Variants in ACACA observed in about 807,000 individuals in gnomAD.
ACACA encodes acetyl-CoA carboxylase 1.
Under a neutral mutation model 296.1 loss-of-function variants are expected in ACACA, and 103 were observed. That is an observed-to-expected ratio of 0.35 (90% CI 0.30 to 0.41). The LOEUF is 0.41. Among genes scored for constraint, ACACA ranks in the 10% least tolerant of loss-of-function variants. The probability of loss-of-function intolerance (pLI) is 1.00; values close to 1 mark genes in which losing one functional copy is unlikely to be tolerated. For synonymous variants in ACACA, 953 were observed against 1,038.6 expected (o/e 0.92, Z 1.58); for missense variants, 1,554 against 2,989.7 (o/e 0.52, Z 11.20).
chr17:37,283,527 G>T (rs2082639952), intron 4 of ACACA, 122 bp from the exon 5 acceptor site: 1 of 1,257,062 alleles, frequency 8.0e-7, no homozygotes, highest in African/African-American at 1.5e-5. Context: ...TTTCAACCAA[G>T]AATTCTTGTT....
intron 3 of ACACA, among the ~76,000 whole-genome samples, chr17:37,319,639 G>A (rs1386245813): frequency 5.3e-5 from 8 of 152,006 alleles, no homozygotes; most frequent in Non-Finnish European, 1.0e-4. Context: ...CCTGGGCAAC[G>A]TGGTGAGACC....
At chr17:37,346,722 AAG>A (rs1555654474) in intron 1 of ACACA, among the ~76,000 whole-genome samples, 1 of 151,378 alleles carries the variant, frequency 6.6e-6, no homozygotes, top group Non-Finnish European at 1.5e-5. Context: ...AAAAAAAAAA[AAG>A]ATTTGATTGC....
chr17:37,239,832 G>C (rs1024197787), intron 24 of ACACA, among the ~76,000 whole-genome samples: 1 of 152,186 alleles, frequency 6.6e-6, no homozygotes, highest in Non-Finnish European at 1.5e-5. Flanking sequence ...TAAAGGAAGT[G>C]AAAAGGAGCA....
chr17:37,326,514 A>G (rs896824742), intron 3 of ACACA, among the ~76,000 whole-genome samples: 5 of 147,336 alleles, frequency 3.4e-5, no homozygotes, highest in Middle Eastern at 4.2e-3. Flanking sequence ...CTGGGTAACA[A>G]GAGCGAAACT....
chr17:37,090,604 G>A (rs1042542753), intron 54 of ACACA, among the ~76,000 whole-genome samples: 1 of 152,154 alleles, frequency 6.6e-6, no homozygotes, highest in Non-Finnish European at 1.5e-5. Flanking sequence ...AGGCCAAACT[G>A]CCTTGAGAAA....
At chr17:37,374,585 C>A (rs1040569178) in intron 1 of ACACA, among the ~76,000 whole-genome samples, 7 of 152,152 alleles carry the variant, frequency 4.6e-5, no homozygotes, top group African/African-American at 1.2e-4. Context: ...CCGCGCCCGG[C>A]CCTTCATTCT....
At chr17:37,248,227 A>G in intron 17 of ACACA, 71 bp from the exon 18 acceptor site, 1 of 1,565,648 alleles carries the variant, frequency 6.4e-7, no homozygotes. Flanking sequence ...TGAATGCTTC[A>G]AAAATACAGA....
At chr17:37,317,501 GGCAGTGA>G (rs1332916648) in intron 3 of ACACA, among the ~76,000 whole-genome samples, 2 of 151,240 alleles carry the variant, frequency 1.3e-5, no homozygotes, top group African/African-American at 4.9e-5. Flanking sequence ...GGGAGGCGGA[GGCAGTGA>G]GCCAAGATCA....
intron 1 of ACACA, among the ~76,000 whole-genome samples, chr17:37,373,750 C>T (rs1468041245): frequency 1.3e-5 from 2 of 152,128 alleles, no homozygotes; most frequent in African/African-American, 2.4e-5. Flanking sequence ...AGCATTGTAC[C>T]GTGGCATCTA....
chr17:37,352,246 G>C (rs1025662481), intron 1 of ACACA, among the ~76,000 whole-genome samples: 1 of 152,040 alleles, frequency 6.6e-6, no homozygotes, highest in African/African-American at 2.4e-5. Flanking sequence ...GAATTGCAAC[G>C]AATATTTGAG....
chr17:37,391,740 C>A (rs921591119), intron 1 of ACACA: 1 of 1,604,460 alleles, frequency 6.2e-7, no homozygotes, highest in South Asian at 1.1e-5. Context: ...TCTGCTCTAT[C>A]TCAAAGACTG....
At chr17:37,105,203 C>T (rs993839625) in intron 52 of ACACA, among the ~76,000 whole-genome samples, 1 of 152,188 alleles carries the variant, frequency 6.6e-6, no homozygotes, top group African/African-American at 2.4e-5. Context: ...TTGTAGAAAT[C>T]TTTTTCCTTT....
In ACACA at chr17:37,120,336, G is replaced by T. The variant is rs577313199; in HGVS notation, c.6274+1019C>A. On this transcript the variant is annotated intron_variant, in intron 50 of 55. Transcript: ENST00000616317. Reference sequence around the variant, plus strand: ...GCTAAAGTGCAGTGGCACAATCTTGGCTCACTGCAATCTCTGCCTCCCAGG... The same window carrying T: ...GCTAAAGTGCAGTGGCACAATCTTGTCTCACTGCAATCTCTGCCTCCCAGG... 5.3e-5 allele frequency among the ~76,000 whole-genome samples: 8 copies of T among 151,870 alleles called. No individual in the cohort carries two copies. The South Asian group carries it at 1.7e-3, about 32-fold the overall frequency.
At chr17:37,274,760 G>T in intron 8 of ACACA, 1 of 710,988 alleles carries the variant, frequency 1.4e-6, no homozygotes, top group Non-Finnish European at 1.7e-6. Context: ...GAACGTCCCT[G>T]TACTCAGCCA....
At chr17:37,390,271 A>ATATAATT (rs1285790911) in intron 1 of ACACA, among the ~76,000 whole-genome samples, 1 of 51,042 alleles carries the variant, frequency 2.0e-5, no homozygotes, top group African/African-American at 9.3e-5. Context: ...AATTATATAT[A>ATATAATT]ATATATTATA....
intron 1 of ACACA, among the ~76,000 whole-genome samples, chr17:37,350,388 C>T (rs1004710436): frequency 6.7e-6 from 1 of 149,468 alleles, no homozygotes; most frequent in East Asian, 2.0e-4. Flanking sequence ...GGTGTGGTGG[C>T]ACATGCCTGT....
At chr17:37,159,868 T>C (rs1228113827) in intron 42 of ACACA, among the ~76,000 whole-genome samples, 1 of 152,130 alleles carries the variant, frequency 6.6e-6, no homozygotes, top group Admixed American at 6.5e-5. Flanking sequence ...TGCAGGAAGA[T>C]AAAAAGGAGA....
At chr17:37,253,396 A>AAAAAAT (rs1261814041) in intron 14 of ACACA, among the ~76,000 whole-genome samples, 1 of 152,190 alleles carries the variant, frequency 6.6e-6, no homozygotes, top group Non-Finnish European at 1.5e-5. Context: ...TGTCCCCCCA[A>AAAAAAT]AAAAATAAAA....
intron 3 of ACACA, among the ~76,000 whole-genome samples, chr17:37,315,540 A>G (rs2047048990): frequency 6.6e-6 from 1 of 152,184 alleles, no homozygotes; most frequent in Non-Finnish European, 1.5e-5. Context: ...TGCAAATCCC[A>G]GCCACCTATA....
Sources: allele counts gnomAD v4.1 joint callset (sites outside exome capture counted in the v4.1 genomes callset), GRCh38; gene constraint gnomAD v4.1.1; transcripts MANE v1.5; gene names NCBI Gene and HGNC (gene_info 2026-07-23, HGNC 2026-07-21).